VEGFA: variants seen among roughly 807,000 people sequenced by gnomAD.
The protein encoded by VEGFA is vascular endothelial growth factor A, long form.
A neutral mutation model predicts 49.7 loss-of-function variants in VEGFA; 20 were observed. The observed-to-expected ratio is 0.40, with a 90% CI of 0.28 to 0.58. The LOEUF is 0.58. VEGFA is among the 20% of genes least tolerant of loss of function. The pLI is 0.40. For synonymous variants in VEGFA, 219 were observed against 223.4 expected (o/e 0.98, Z 0.18); for missense variants, 505 against 553.5 (o/e 0.91, Z 0.88).
chr6:43,781,808 T>C, intron 6 of VEGFA, 148 bp from the exon 7 acceptor site: 1 of 1,028,612 alleles, frequency 9.7e-7, no homozygotes, highest in Non-Finnish European at 1.4e-6. Context: ...TCTTTTGCTG[T>C]AGCGCTCGGA....
At chr6:43,779,281 C>A in intron 5 of VEGFA, 1 of 449,180 alleles carries the variant, frequency 2.2e-6, no homozygotes. Context: ...GGCAGAGAGG[C>A]CAGCTTTTGT....
chr6:43,776,149 C>G (rs1310398378), intron 2 of VEGFA: 1 of 152,204 alleles, frequency 6.6e-6, no homozygotes, highest in Non-Finnish European at 1.5e-5. Flanking sequence ...AAAACACCAC[C>G]TTTTTCAGCC....
At chr6:43,776,928 T>C (rs1334238319) in intron 2 of VEGFA, 3 of 225,592 alleles carry the variant, frequency 1.3e-5, no homozygotes, top group African/African-American at 2.2e-5. Flanking sequence ...TAGTGTCTAA[T>C]AGTACCATGT....
chr6:43,772,606 C>T (rs1394209941), intron 1 of VEGFA, among the ~76,000 whole-genome samples: 1 of 152,210 alleles, frequency 6.6e-6, no homozygotes, highest in African/African-American at 2.4e-5. Flanking sequence ...CACACTTTGT[C>T]CTGGTGAAAG....
chr6:43,778,978 C>T (rs562193631), intron 5 of VEGFA, 60 bp downstream of exon 5: 1 of 1,607,922 alleles, frequency 6.2e-7, no homozygotes, highest in African/African-American at 1.3e-5. Context: ...TGGTTTGGGG[C>T]TCTTGGCTAC....
intron 2 of VEGFA, chr6:43,774,769 T>A (rs1764767146): frequency 2.7e-6 from 1 of 366,244 alleles, no homozygotes; most frequent in East Asian, 5.6e-5. Context: ...TATATAGACA[T>A]GTCCCATTTG....
chr6:43,775,881 C>CT (rs1765244602), intron 2 of VEGFA: 1 of 152,240 alleles, frequency 6.6e-6, no homozygotes, highest in African/African-American at 2.4e-5. Flanking sequence ...GTTTTCACAC[C>CT]TGTGGCCTTC....
In VEGFA at chr6:43,778,661, T is replaced by G. The variant is rs1766279594; in HGVS notation, c.932+125T>G. 3 of 1,114,732 alleles carry G rather than the reference T, an allele frequency of 2.7e-6. No homozygotes were observed. In the East Asian group the frequency reaches 7.6e-5, roughly 28 times the overall value. 69.1% of individuals were successfully genotyped at this position (1,114,732 alleles called of 1,614,324 possible). On this transcript the variant is annotated intron_variant, in intron 4 of 7. Transcript: ENST00000672860. ...TCCCGCTATGTGACCTTTGGCATTT[T>G]ACTTCAATGTGCCTCAGTTTCTACA...
Position 43,773,961 on chromosome 6 carries a change from T to G in VEGFA, c.607-380T>G. On this transcript the variant is annotated intron_variant, in intron 1 of 7. Transcript: ENST00000672860. This position sits in a 1 kb window ranked among gnomAD's most constrained non-coding sequence, Gnocchi z 5.6. ...GCCCCAGTCCAAATTTGTCCTCCTA[T>G]TTGACCTTAATACTTACCATGGCTT... 3.5e-6 allele frequency: 1 copy of G among 286,224 alleles called. No individual in the cohort carries two copies. Among genetic ancestry groups the G allele is most frequent in the Non-Finnish European group, 6.9e-6 (1 of 144,022 alleles). The allele number at this position is 286,224 out of a possible 1,614,324, so 17.7% of individuals were successfully genotyped here. A position where few individuals can be genotyped will look rare whatever the true frequency, so the allele number is the denominator to read the frequency against.
At position 43,773,919 on chromosome 6, in the gene VEGFA, C is replaced by T. The variant is rs1041658138; in HGVS notation, c.607-422C>T. ...AGGTCACCATGTTGTTTTTCTCGCC[C>T]CTAGTCCTTCCTTCCTGCCCCAGTC... is the stretch of plus-strand genomic sequence containing the variant. On this transcript the variant is annotated intron_variant, in intron 1 of 7. Transcript: ENST00000672860. This position sits in a 1 kb window ranked among gnomAD's most constrained non-coding sequence, Gnocchi z 5.6. 1 of 239,624 alleles carries T rather than the reference C, an allele frequency of 4.2e-6. No homozygotes were observed. The highest frequency in any genetic ancestry group is 2.2e-5 in the African/African-American group (1 of 45,726). 14.8% of individuals were successfully genotyped at this position (239,624 alleles called of 1,614,324 possible).
chr6:43,779,280 G>A (rs1438030425), intron 5 of VEGFA: 2 of 450,192 alleles, frequency 4.4e-6, no homozygotes, highest in Non-Finnish European at 8.2e-6. Flanking sequence ...TGGCAGAGAG[G>A]CCAGCTTTTG....
In VEGFA at chr6:43,781,988, A is replaced by G. The variant is rs1176966214; in HGVS notation, c.1067A>G (p.His356Arg). Reference sequence around the variant, plus strand: ...GGGCCTTGCTCAGAGCGGAGAAAGCATTTGTTTGTACAAGATCCGCAGACG... The same window carrying G: ...GGGCCTTGCTCAGAGCGGAGAAAGCGTTTGTTTGTACAAGATCCGCAGACG... Residue 356 changes from histidine to arginine, a missense_variant, in exon 7 of 8, where the codon CAT (histidine) becomes CGT (arginine). His to Arg is a conservative substitution (Grantham distance 29, BLOSUM62 0). This residue lies in a region of VEGFA where 165 missense variants were observed against 231.7 expected (regional missense o/e 0.71). Coordinates refer to ENST00000672860, the MANE Select transcript of VEGFA (RefSeq NM_003376.6). The G allele has an allele frequency of 1.3e-5, 21 of 1,613,904 alleles. No homozygotes were observed. Among genetic ancestry groups the G allele is most frequent in the Non-Finnish European group, 1.6e-5 (19 of 1,179,992 alleles).
Position 43,778,442 on chromosome 6 carries a change from T to G in VEGFA, c.856-18T>G, listed in dbSNP as rs772806798. The G allele has an allele frequency of 1.2e-6, 2 of 1,613,526 alleles. No homozygotes were observed. Among genetic ancestry groups the G allele is most frequent in the Admixed American group, 1.7e-5 (1 of 60,016 alleles). On this transcript the variant is annotated intron_variant, in intron 3 of 7. Coordinates refer to ENST00000672860, the MANE Select transcript of VEGFA (RefSeq NM_003376.6). ...GGCTGGGTCACTAACCTCTGTGATC[T>G]GCTTCCTTCCTTTCCAGATTATGCG...
chr6:43,784,230 C>G, intron 7 of VEGFA: 1 of 511,484 alleles, frequency 2.0e-6, no homozygotes, highest in Non-Finnish European at 3.6e-6. Flanking sequence ...CTTTGGTATC[C>G]GTTCATTTGT....
At chr6:43,779,792 C>A (rs560349606) in intron 5 of VEGFA, 14 of 450,638 alleles carry the variant, frequency 3.1e-5, no homozygotes, top group Admixed American at 3.1e-4. Flanking sequence ...CCCTTCTCCC[C>A]CTCCTTTCTT....
intron 1 of VEGFA, 29 bp downstream of exon 1, chr6:43,771,341 G>C (rs763161483): frequency 6.3e-7 from 1 of 1,586,974 alleles, no homozygotes. Context: ...CTGGCGCCGC[G>C]GGCCGCTGCG....
At position 43,781,120 on chromosome 6, in the gene VEGFA, G is replaced by A. The variant is rs893032504; in HGVS notation, c.1034+317G>A. 12 of 575,630 alleles carry A rather than the reference G, an allele frequency of 2.1e-5. No individual in the cohort carries two copies. In the African/African-American group the frequency reaches 2.3e-4, roughly 11 times the overall value. 35.7% of individuals were successfully genotyped at this position (575,630 alleles called of 1,614,324 possible). ...GGGCACTGGTGGCGGGCCCATGTTG[G>A]CACAGGTGCCTGCTCACCCAACTGG... is the stretch of plus-strand genomic sequence containing the variant. On this transcript the variant is annotated intron_variant, in intron 6 of 7. Coordinates refer to ENST00000672860, the MANE Select transcript of VEGFA (RefSeq NM_003376.6).
At chr6:43,780,663 A>G in intron 5 of VEGFA, 69 bp from the exon 6 acceptor site, 1 of 1,454,666 alleles carries the variant, frequency 6.9e-7, no homozygotes, top group Admixed American at 1.8e-5. Flanking sequence ...ATCCCTGCCC[A>G]CCTTACCACT....
chr6:43,774,576 C>A, intron 2 of VEGFA, 184 bp downstream of exon 2: 2 of 688,894 alleles, frequency 2.9e-6, no homozygotes, highest in Admixed American at 4.6e-5. Flanking sequence ...CTCCGCTGTT[C>A]AGGTCTCTGC....
Sources: allele counts gnomAD v4.1 joint callset (sites outside exome capture counted in the v4.1 genomes callset), GRCh38; gene constraint gnomAD v4.1.1; regional missense constraint gnomAD v4.1.1; non-coding constraint Gnocchi (gnomAD v3.1); transcripts MANE v1.5; gene names NCBI Gene and HGNC (gene_info 2026-07-23, HGNC 2026-07-21).